NEK9: variants seen among roughly 807,000 people sequenced by gnomAD.
NEK9 encodes the protein serine/threonine-protein kinase Nek9.
In NEK9, 75 loss-of-function variants were observed where a neutral mutation model predicts 123.4. The ratio of observed to expected loss-of-function variants is 0.61; its 90% CI spans 0.50 to 0.74. The LOEUF is 0.74. Ranked by LOEUF, NEK9 falls within the 30% of genes least tolerant of loss-of-function variation. The pLI, the probability that NEK9 is intolerant of heterozygous loss-of-function variation, is 0.00. For synonymous variants in NEK9, 438 were observed against 458.7 expected (o/e 0.95, Z 0.58); for missense variants, 952 against 1,214.4 (o/e 0.78, Z 3.21).
rs1893905474 is a variant in NEK9, at chr14:75,082,803, G to A, written c.*1761C>T. On this transcript the variant is annotated 3_prime_UTR_variant, in exon 22 of 22. Transcript: ENST00000238616. ...ATCGGTCCTCAAGAAAATCAAAGTTGCATTTACATGCTGAACCAAAACCCA... is the reference window on the plus strand; with the variant it reads ...ATCGGTCCTCAAGAAAATCAAAGTTACATTTACATGCTGAACCAAAACCCA... The A allele has an allele frequency of 2.5e-6, 1 of 396,070 alleles. No homozygotes were observed. The highest frequency in any genetic ancestry group is 4.4e-6 in the Non-Finnish European group (1 of 225,088). 24.5% of individuals were successfully genotyped at this position (396,070 alleles called of 1,614,324 possible). A position where few individuals can be genotyped will look rare whatever the true frequency, so the allele number is the denominator to read the frequency against.
chr14:75,114,374 G>A, intron 6 of NEK9, 61 bp from the exon 7 acceptor site: 1 of 1,284,958 alleles, frequency 7.8e-7, no homozygotes, highest in Non-Finnish European at 1.1e-6. Context: ...ATACTCTACT[G>A]GTAGGGGCTC....
chr14:75,089,993 G>A (rs1011909050), intron 19 of NEK9, among the ~76,000 whole-genome samples: 10 of 152,164 alleles, frequency 6.6e-5, no homozygotes, highest in African/African-American at 1.4e-4. Context: ...CACCTTGCCC[G>A]GCTAATTTTT....
At chr14:75,121,426 T>C (rs1895329888) in intron 2 of NEK9, among the ~76,000 whole-genome samples, 1 of 152,226 alleles carries the variant, frequency 6.6e-6, no homozygotes, top group Admixed American at 6.5e-5. Context: ...TTAGAAAAGA[T>C]GTGAGTAAAG....
chr14:75,110,501 T>C (rs1318520022), intron 8 of NEK9, 130 bp from the exon 9 acceptor site: 4 of 665,304 alleles, frequency 6.0e-6, no homozygotes, highest in Non-Finnish European at 1.0e-5. Context: ...CACAATACTT[T>C]TAGCAAAGTA....
chr14:75,088,508 A>G lies in NEK9; in HGVS notation c.2576T>C (p.Leu859Ser), dbSNP rs145153731. ...QGLKVASEAP[L>S]EHKPQVEASS... ...GGCTTCTACTTGGGGTTTGTGTTCC[A>G]AAGGAGCTTCAGAGGCCACTTTGAG... The change falls in exon 20 of 22, where the codon TTG becomes TCG. Residue 859 changes from leucine (L) to serine (S), a missense_variant. Coordinates refer to ENST00000238616, the MANE Select transcript of NEK9 (RefSeq NM_033116.6). 3 of 1,613,930 alleles carry G rather than the reference A, an allele frequency of 1.9e-6. No individual in the cohort carries two copies. Among genetic ancestry groups the G allele is most frequent in the Non-Finnish European group, 2.5e-6 (3 of 1,179,978 alleles).
In NEK9 at chr14:75,101,718, C is replaced by T. The variant is rs1225543303; in HGVS notation, c.1779G>A (p.Gln593=). The T allele has an allele frequency of 6.2e-6, 10 of 1,614,126 alleles. No homozygotes were observed. The highest frequency in any genetic ancestry group is 8.5e-6 in the Non-Finnish European group (10 of 1,179,980). Residue 593 remains glutamine, a synonymous_variant, in exon 15 of 22, where the codon CAG becomes CAA. Transcript: ENST00000238616. ...TGGTACGGATCTTATAAAAGGACAA[C>T]TGTTTGGCCAAGGTAAAGGACGTTG... ...PYTTSFTLAK[Q]LSFYKIRTIA... is the part of the protein sequence containing the mutation.
intron 6 of NEK9, among the ~76,000 whole-genome samples, chr14:75,114,807 T>C (rs750439132): frequency 6.6e-6 from 1 of 152,078 alleles, no homozygotes; most frequent in Non-Finnish European, 1.5e-5. Context: ...GACAGGCACA[T>C]TACATATATG....
chr14:75,116,636 A>AT (rs932884699), intron 6 of NEK9: 38 of 188,422 alleles, frequency 2.0e-4, no homozygotes, highest in Middle Eastern at 2.3e-3. Flanking sequence ...TTTAATTTTA[A>AT]TTTTTTTTTG....
At chr14:75,105,891 A>G in intron 13 of NEK9, 59 bp downstream of exon 13, 1 of 1,295,940 alleles carries the variant, frequency 7.7e-7, no homozygotes. Flanking sequence ...AAGAGGACAT[A>G]TTATTGGAGT....
chr14:75,127,000 T>C lies in NEK9; in HGVS notation c.-79A>G, dbSNP rs1016403109. ...CGCGCTGCGTCCCGCTCGCTTCAGA[T>C]GCCGGCCCGCGGATCCGTCAGCCCA... On this transcript the variant is annotated 5_prime_UTR_variant, in exon 1 of 22. Transcript: ENST00000238616. 30 of 1,225,928 alleles carry C rather than the reference T, an allele frequency of 2.4e-5. No homozygotes were observed. The highest frequency in any genetic ancestry group is 3.3e-5 in the Non-Finnish European group (30 of 921,658). The allele number at this position is 1,225,928 out of a possible 1,614,324, so 75.9% of individuals were successfully genotyped here. A position where few individuals can be genotyped will look rare whatever the true frequency, so the allele number is the denominator to read the frequency against.
chr14:75,116,493 C>T (rs759786475), intron 6 of NEK9: 9 of 360,716 alleles, frequency 2.5e-5, no homozygotes, highest in Non-Finnish European at 4.6e-5. Context: ...TTCTTTTACA[C>T]GTTTCTAGGA....
At chr14:75,089,055 G>A (rs1004661093) in intron 19 of NEK9, among the ~76,000 whole-genome samples, 1 of 152,158 alleles carries the variant, frequency 6.6e-6, no homozygotes, top group African/African-American at 2.4e-5. Flanking sequence ...TATTAGACAG[G>A]GAGCTTTAAA....
In NEK9 at chr14:75,101,709, A is replaced by C; in HGVS notation, c.1788T>G (p.Phe596Leu). The change falls in exon 15 of 22, where the codon TTT (phenylalanine) becomes TTG (leucine). Residue 596 changes from phenylalanine to leucine, a missense_variant. Physicochemically the swap from Phe to Leu is conservative, Grantham distance 22. Transcript: ENST00000238616. ...TSFTLAKQLS[F>L]YKIRTIAPGK... ...CTGGGGCAATGGTACGGATCTTATA[A>C]AAGGACAACTGTTTGGCCAAGGTAA... 1 of 1,614,142 alleles carries C rather than the reference A, an allele frequency of 6.2e-7. No homozygotes were observed. Among genetic ancestry groups the C allele is most frequent in the Non-Finnish European group, 8.5e-7 (1 of 1,179,974 alleles).
At chr14:75,089,876 T>A (rs1178851713) in intron 19 of NEK9, among the ~76,000 whole-genome samples, 1 of 152,060 alleles carries the variant, frequency 6.6e-6, no homozygotes, top group African/African-American at 2.4e-5. Flanking sequence ...TTTTTGTATT[T>A]TTAATAGAGA....
Position 75,126,778 on chromosome 14 carries a change from C to A in NEK9, c.144G>T (p.Glu48Asp). Reference sequence around the variant, plus strand: ...CGCGGATGGGGATGTAGTGCAGTTCCTCCTGCTCCGCCGCGCCGCCGCCGG... The same window carrying A: ...CGCGGATGGGGATGTAGTGCAGTTCATCCTGCTCCGCCGCGCCGCCGCCGG... ...PRAGGGAAEQ[E>D]ELHYIPIRVL... The change falls in exon 1 of 22, where the codon GAG (glutamate) becomes GAT (aspartate). Residue 48 changes from glutamate to aspartate, a missense_variant. By Grantham distance (45) the Glu-to-Asp change is conservative. This residue lies in a region of NEK9 where 120 missense variants were observed against 97.6 expected (regional missense o/e 1.23). Transcript: ENST00000238616. 1 of 1,531,884 alleles carries A rather than the reference C, an allele frequency of 6.5e-7. No individual in the cohort carries two copies. 94.9% of individuals were successfully genotyped at this position (1,531,884 alleles called of 1,614,324 possible).
At position 75,079,836 on chromosome 14, in the gene NEK9, G is replaced by A. The variant is rs576808745; in HGVS notation, c.*4728C>T. The A allele has an allele frequency of 1.1e-4, 16 of 152,294 alleles. No individual in the cohort carries two copies. Among genetic ancestry groups the A allele is most frequent in the African/African-American group, 3.9e-4 (16 of 41,540 alleles). 9.4% of individuals were successfully genotyped at this position (152,294 alleles called of 1,614,324 possible). A position where few individuals can be genotyped will look rare whatever the true frequency, so the allele number is the denominator to read the frequency against. On this transcript the variant is annotated 3_prime_UTR_variant, in exon 22 of 22. Transcript: ENST00000238616. Reference sequence around the variant, plus strand: ...TTACCTTATCTGCCTGGTACCACAGGCACTTGGATTTGGGATCGCTGGATG... The same window carrying A: ...TTACCTTATCTGCCTGGTACCACAGACACTTGGATTTGGGATCGCTGGATG...
At chr14:75,111,042 A>G (rs958378734) in intron 8 of NEK9, among the ~76,000 whole-genome samples, 5 of 152,142 alleles carry the variant, frequency 3.3e-5, no homozygotes. Flanking sequence ...CTAATTTAAC[A>G]CAGATACTAA....
chr14:75,106,484 A>G lies in NEK9; in HGVS notation c.1528+18T>C. 1 of 1,613,638 alleles carries G rather than the reference A, an allele frequency of 6.2e-7. No homozygotes were observed. Among genetic ancestry groups the G allele is most frequent in the Non-Finnish European group, 8.5e-7 (1 of 1,179,774 alleles). ...TGTATACCTGTGAAGAAGTGGACAG[A>G]GACAAGGCTACCCCTACCATATTCG... On this transcript the variant is annotated intron_variant, in intron 12 of 21. Transcript: ENST00000238616.
intron 16 of NEK9, among the ~76,000 whole-genome samples, chr14:75,098,852 T>G (rs191877113): frequency 4.6e-5 from 7 of 152,342 alleles, no homozygotes; most frequent in African/African-American, 1.2e-4. Flanking sequence ...ACATGAGCTC[T>G]CTGAAGCCCT....
Sources: allele counts gnomAD v4.1 joint callset (sites outside exome capture counted in the v4.1 genomes callset), GRCh38; gene constraint gnomAD v4.1.1; regional missense constraint gnomAD v4.1.1; transcripts MANE v1.5; gene names NCBI Gene and HGNC (gene_info 2026-07-23, HGNC 2026-07-21).